The following SRFBP1 variants were observed in gnomAD, a reference collection of about 807,000 sequenced individuals.
SRFBP1 encodes the protein serum response factor-binding protein 1.
SRFBP1 carries 47 observed loss-of-function variants against 45.5 expected under a neutral mutation model. The ratio of observed to expected loss-of-function variants is 1.03; its 90% confidence interval spans 0.82 to 1.32. The LOEUF (loss-of-function observed/expected upper bound fraction) is 1.32. Among genes scored for constraint, SRFBP1 ranks in the 40% most tolerant of loss-of-function variants. SRFBP1 has a pLI of 0.00. For synonymous variants in SRFBP1, 203 were observed against 166.3 expected, an observed-to-expected ratio of 1.22 and a Z score of -1.70; for missense variants, 621 against 484.6, an observed-to-expected ratio of 1.28 and a Z score of -2.64.
At chr5:122,042,136 T>A (rs1387331230) in intron 2 of SRFBP1, among the ~76,000 whole-genome samples, 2 of 152,218 alleles carry the variant, frequency 1.3e-5, no homozygotes, top group African/African-American at 4.8e-5. Flanking sequence ...CAACTCTATT[T>A]TTTCTGTATT....
intron 2 of SRFBP1, among the ~76,000 whole-genome samples, chr5:122,042,477 C>G (rs1353043693): frequency 1.3e-5 from 2 of 152,062 alleles, no homozygotes; most frequent in Non-Finnish European, 2.9e-5. Context: ...ATTCTTGAAC[C>G]CTGAGCTCAA....
At chr5:122,062,242 T>C (rs1754182826) in intron 2 of SRFBP1, among the ~76,000 whole-genome samples, 1 of 151,968 alleles carries the variant, frequency 6.6e-6, no homozygotes, top group Non-Finnish European at 1.5e-5. Flanking sequence ...AATATTGTCC[T>C]AATTCTATAT....
downstream of SRFBP1, among the ~76,000 whole-genome samples, chr5:122,032,467 A>G (rs561404932): frequency 1.6e-3 from 244 of 151,698 alleles, 2 homozygotes; most frequent in African/African-American, 5.6e-3. Context: ...TGCACAGATG[A>G]ACAAATATAT....
Position 121,975,335 on chromosome 5 carries a change from TAAA to T in SRFBP1, c.150_152del (p.Lys50del). On this transcript the variant is annotated inframe_deletion, in exon 3 of 8. Transcript: ENST00000339397. ...TGCAGGGGTACTGAAGATGCACTGT[TAAA>T]AAACCAAAGACGGGCGCAAAGATTG... is the stretch of plus-strand genomic sequence containing the variant. The T allele has an allele frequency of 3.1e-6, 5 of 1,613,276 alleles. No homozygotes were observed. The highest frequency in any genetic ancestry group is 4.2e-6 in the Non-Finnish European group (5 of 1,179,348).
chr5:122,032,541 G>A (rs985658858), downstream of SRFBP1, among the ~76,000 whole-genome samples: 15 of 152,088 alleles, frequency 9.9e-5, no homozygotes, highest in African/African-American at 3.1e-4. Context: ...ATGATTACGT[G>A]AACTTTGCCT....
chr5:122,034,335 A>G (rs1753649105), intron 2 of SRFBP1, among the ~76,000 whole-genome samples: 1 of 152,056 alleles, frequency 6.6e-6, no homozygotes, highest in African/African-American at 2.4e-5. Flanking sequence ...GTTTTTCGTT[A>G]TAATGTGTTT....
intron 3 of SRFBP1, among the ~76,000 whole-genome samples, chr5:121,991,155 T>C (rs767894696): frequency 6.6e-6 from 1 of 152,198 alleles, no homozygotes; most frequent in Non-Finnish European, 1.5e-5. Flanking sequence ...CAATTCTGCA[T>C]GTCTCCTCCA....
At chr5:122,037,523 T>A (rs961457278) in intron 2 of SRFBP1, among the ~76,000 whole-genome samples, 10 of 152,154 alleles carry the variant, frequency 6.6e-5, no homozygotes, top group African/African-American at 2.2e-4. Flanking sequence ...TTTTTTTCAT[T>A]TTTTAGAGTC....
chr5:121,992,569 AC>A (rs1234969407), intron 3 of SRFBP1, among the ~76,000 whole-genome samples: 1 of 152,076 alleles, frequency 6.6e-6, no homozygotes, highest in Non-Finnish European at 1.5e-5. Context: ...ATGTAAAATA[AC>A]ATGTTCATAG....
chr5:122,048,271 T>C (rs1023841157), intron 2 of SRFBP1, among the ~76,000 whole-genome samples: 1 of 152,208 alleles, frequency 6.6e-6, no homozygotes, highest in African/African-American at 2.4e-5. Context: ...TTGAATTTTC[T>C]CAGAGGCGTT....
chr5:122,054,179 C>T (rs532241431), intron 2 of SRFBP1, among the ~76,000 whole-genome samples: 4 of 152,196 alleles, frequency 2.6e-5, no homozygotes, highest in African/African-American at 9.6e-5. Flanking sequence ...GTTGCCCCCA[C>T]AAAACATCTG....
downstream of SRFBP1, among the ~76,000 whole-genome samples, chr5:122,030,642 A>G (rs1753574978): frequency 6.6e-6 from 1 of 152,102 alleles, no homozygotes; most frequent in Non-Finnish European, 1.5e-5. Flanking sequence ...GCAGTGAGTA[A>G]CAGTTGGGGT....
intron 3 of SRFBP1, among the ~76,000 whole-genome samples, chr5:121,977,444 A>C (rs937294963): frequency 6.6e-6 from 1 of 152,086 alleles, no homozygotes; most frequent in Non-Finnish European, 1.5e-5. Flanking sequence ...TACGTGTCAA[A>C]TTTTATTCCT....
intron 2 of SRFBP1, among the ~76,000 whole-genome samples, chr5:122,062,424 T>G (rs1369565680): frequency 1.3e-5 from 2 of 151,258 alleles, no homozygotes; most frequent in Non-Finnish European, 3.0e-5. Context: ...GCAGACAAGT[T>G]TTCAGACAAA....
At chr5:122,003,037 A>G (rs1477561710) in intron 4 of SRFBP1, among the ~76,000 whole-genome samples, 4 of 152,170 alleles carry the variant, frequency 2.6e-5, no homozygotes, top group South Asian at 2.1e-4. Context: ...TTTATTCTAT[A>G]TAATTCATTC....
downstream of SRFBP1, among the ~76,000 whole-genome samples, chr5:122,076,413 G>A (rs1754632641): frequency 1.3e-5 from 2 of 152,188 alleles, no homozygotes; most frequent in African/African-American, 4.8e-5. Flanking sequence ...TATTCTGGCT[G>A]AAGTAATACC....
chr5:122,006,361 G>A (rs1375625503), intron 4 of SRFBP1, among the ~76,000 whole-genome samples: 1 of 152,028 alleles, frequency 6.6e-6, no homozygotes, highest in African/African-American at 2.4e-5. Context: ...TTGATTATGT[G>A]TCTAAGTGTA....
At chr5:122,078,108 T>C (rs1580568922), downstream of SRFBP1, 50 of 917,508 alleles carry the variant, frequency 5.4e-5, no homozygotes, top group East Asian at 1.6e-3. Flanking sequence ...AGCACGGGTA[T>C]CTCAGTCTCC....
At chr5:121,997,818 A>G (rs1752763190) in intron 4 of SRFBP1, among the ~76,000 whole-genome samples, 2 of 151,918 alleles carry the variant, frequency 1.3e-5, no homozygotes, top group Middle Eastern at 3.4e-3. Flanking sequence ...CAAATTGACA[A>G]GAAAAAAACA....
Sources: gnomAD v4.1 joint callset for allele counts (sites outside exome capture counted in the v4.1 genomes callset) on GRCh38, gnomAD v4.1.1 for gene constraint, MANE v1.5 for transcripts, NCBI Gene and HGNC (gene_info 2026-07-23, HGNC 2026-07-21) for gene names.